The following SKI variants were observed in gnomAD, a reference collection of about 807,000 sequenced individuals.
SKI encodes the protein ski oncogene.
Under a neutral mutation model 59.3 loss-of-function variants are expected in SKI, and 23 were observed. That is an observed-to-expected ratio of 0.39 (90% CI 0.28 to 0.55). SKI has a LOEUF of 0.55. Ranked by LOEUF, SKI falls within the 20% of genes least tolerant of loss-of-function variation. The pLI is 0.67. For synonymous variants in SKI, 673 were observed against 488.6 expected (o/e 1.38, Z -4.98); for missense variants, 1,017 against 1,038.9 (o/e 0.98, Z 0.29).
intron 6 of SKI, 60 bp downstream of exon 6, chr1:2,306,310 C>T (rs1640576325): frequency 7.0e-6 from 10 of 1,422,758 alleles, no homozygotes; most frequent in Middle Eastern, 2.5e-4. Flanking sequence ...CCGTGGGCCC[C>T]GGTGGCCAGT....
intron 1 of SKI, among the ~76,000 whole-genome samples, chr1:2,235,066 A>C (rs555180051): frequency 6.9e-6 from 1 of 145,948 alleles, no homozygotes; most frequent in African/African-American, 2.5e-5. Flanking sequence ...TTTTTGAGAC[A>C]GGGTCTGTTT....
At chr1:2,296,628 C>G (rs1251509049) in intron 1 of SKI, among the ~76,000 whole-genome samples, 1 of 151,868 alleles carries the variant, frequency 6.6e-6, no homozygotes, top group Admixed American at 6.6e-5. Context: ...TGAATCTGGT[C>G]CCTTACCAGC....
chr1:2,270,145 C>T lies in SKI; in HGVS notation c.970-32833C>T, dbSNP rs568826749. Among the ~76,000 whole-genome samples the T allele has an allele frequency of 1.3e-3, 197 of 152,290 alleles. 2 individuals carry two copies. The highest frequency in any genetic ancestry group is 4.6e-3 in the African/African-American group (192 of 41,568). On this transcript the variant is annotated intron_variant, in intron 1 of 6. Transcript: ENST00000378536. This position sits in a 1 kb window ranked among gnomAD's most constrained non-coding sequence, Gnocchi z 4.1. ...CTGGTCATTGTCCCCTACAGCCAGG[C>T]AGTAAAGTGTGGCCAGCACCTTGCT...
At chr1:2,265,968 A>G (rs552547256) in intron 1 of SKI, among the ~76,000 whole-genome samples, 10 of 152,170 alleles carry the variant, frequency 6.6e-5, no homozygotes, top group Non-Finnish European at 1.5e-4. Context: ...ACCCTATCTC[A>G]AGGAAAAAAA....
chr1:2,233,841 A>G (rs964882984), intron 1 of SKI, among the ~76,000 whole-genome samples: 2 of 152,158 alleles, frequency 1.3e-5, no homozygotes, highest in East Asian at 1.9e-4. Context: ...AGGAAGGGAC[A>G]GCATCAAGAG....
At chr1:2,274,244 A>G (rs1639693054) in intron 1 of SKI, among the ~76,000 whole-genome samples, 1 of 152,024 alleles carries the variant, frequency 6.6e-6, no homozygotes, top group Non-Finnish European at 1.5e-5. Context: ...TATTGGTTAA[A>G]TAAAGACACA....
intron 1 of SKI, among the ~76,000 whole-genome samples, chr1:2,273,915 A>G (rs1276437467): frequency 1.3e-5 from 2 of 151,976 alleles, no homozygotes; most frequent in Non-Finnish European, 1.5e-5. Context: ...CCTCTCACTC[A>G]CTGCCCTGGC....
intron 6 of SKI, 38 bp from the exon 7 acceptor site, chr1:2,306,539 A>G (rs1354692680): frequency 6.5e-7 from 1 of 1,530,604 alleles, no homozygotes. Flanking sequence ...GGGGCAGGGC[A>G]GCGAGCAGGC....
chr1:2,302,990 C>A lies in SKI; in HGVS notation c.982C>A (p.Pro328Thr). ...KRRVPRVSSE[P>T]PASIRPKTDD... is the part of the protein sequence containing the mutation. The stretch of plus-strand genomic sequence containing the variant: ...TCATTGATCGCAGGTCTCCTCTGAG[C>A]CTCCGGCCTCCATAAGACCCAAAAC... The change falls in exon 2 of 7, where the codon CCT (proline) becomes ACT (threonine). Residue 328 changes from proline (P) to threonine (T), a missense_variant. Coordinates refer to ENST00000378536, the MANE Select transcript of SKI (RefSeq NM_003036.4). 1 of 1,613,582 alleles carries A rather than the reference C, an allele frequency of 6.2e-7. No individual in the cohort carries two copies. The highest frequency in any genetic ancestry group is 8.5e-7 in the Non-Finnish European group (1 of 1,180,024).
intron 5 of SKI, among the ~76,000 whole-genome samples, chr1:2,304,900 T>C (rs4648825): frequency 0.16 from 24,491 of 152,272 alleles, 2,081 homozygotes; most frequent in Middle Eastern, 0.28. Context: ...TAGCCATGTT[T>C]CTCTGGTATA....
At chr1:2,241,394 T>G (rs1268626317) in intron 1 of SKI, among the ~76,000 whole-genome samples, 1 of 152,068 alleles carries the variant, frequency 6.6e-6, no homozygotes, top group Non-Finnish European at 1.5e-5. Context: ...GGAGGGATTG[T>G]AATTTTTTTT....
At chr1:2,256,297 CT>C (rs1639274696) in intron 1 of SKI, among the ~76,000 whole-genome samples, 1 of 152,166 alleles carries the variant, frequency 6.6e-6, no homozygotes, top group Admixed American at 6.5e-5. Context: ...CATTTCCTGT[CT>C]GTGCTGCTTT....
intron 1 of SKI, among the ~76,000 whole-genome samples, chr1:2,238,192 C>T (rs1299243098): frequency 6.6e-6 from 1 of 152,248 alleles, no homozygotes; most frequent in Non-Finnish European, 1.5e-5. Flanking sequence ...AGAACCCGAG[C>T]CTTCCTTAGG....
Position 2,306,074 on chromosome 1 carries a change from G to T in SKI, c.1822G>T (p.Ala608Ser), listed in dbSNP as rs149105394. 6.2e-7 allele frequency: 1 copy of T among 1,602,294 alleles called. No individual in the cohort carries two copies. Among genetic ancestry groups the T allele is most frequent in the East Asian group, 2.3e-5 (1 of 44,438 alleles). Residue 608 changes from alanine (A) to serine (S), a missense_variant, in exon 6 of 7, where the codon GCC (alanine) becomes TCC (serine). Transcript: ENST00000378536. ...GGAGAAGCTGCGGGAGGCCACGGAG[G>T]CCAAGCGTAACCTGCGGAAGGAGAT... ...KKEKLREATEAKRNLRKEIER... is the reference protein window; with the variant it reads ...KKEKLREATESKRNLRKEIER...
intron 1 of SKI, among the ~76,000 whole-genome samples, chr1:2,231,129 TG>T (rs1263937823): frequency 6.6e-6 from 1 of 152,172 alleles, no homozygotes; most frequent in Non-Finnish European, 1.5e-5. Flanking sequence ...GGGAGTTGGT[TG>T]GGGTGGGCCC....
At chr1:2,265,691 G>T (rs779693181) in intron 1 of SKI, among the ~76,000 whole-genome samples, 3 of 152,198 alleles carry the variant, frequency 2.0e-5, no homozygotes, top group Non-Finnish European at 2.9e-5. Flanking sequence ...AATTGGCTGG[G>T]CATGGTGACT....
intron 1 of SKI, chr1:2,240,694 A>T (rs1638851815): frequency 1.0e-6 from 1 of 985,354 alleles, no homozygotes; most frequent in African/African-American, 1.7e-5. Flanking sequence ...TGTTCGGAGG[A>T]TGGAGGACAG....
At position 2,304,077 on chromosome 1, in the gene SKI, G is replaced by A. The variant is rs375518242; in HGVS notation, c.1449G>A (p.Glu483=). The A allele has an allele frequency of 6.2e-7, 1 of 1,612,486 alleles. No homozygotes were observed. The highest frequency in any genetic ancestry group is 8.5e-7 in the Non-Finnish European group (1 of 1,179,930). The change falls in exon 4 of 7, where the codon GAG becomes GAA. Residue 483 remains glutamate (E), a synonymous_variant. Transcript: ENST00000378536. ...APEEDKDSEA[E]VEVESREEFT... ...AGGAGGACAAGGACTCGGAGGCGGA[G>A]GTGGAAGTTGAAAGCAGGGAGGAAT...
At chr1:2,285,414 C>G (rs1042790420) in intron 1 of SKI, among the ~76,000 whole-genome samples, 3 of 151,514 alleles carry the variant, frequency 2.0e-5, no homozygotes, top group African/African-American at 7.3e-5. Flanking sequence ...ACTAGGGAGG[C>G]TGAGGCAGGA....
Sources: allele counts gnomAD v4.1 joint callset (sites outside exome capture counted in the v4.1 genomes callset), GRCh38; gene constraint gnomAD v4.1.1; non-coding constraint Gnocchi (gnomAD v3.1); transcripts MANE v1.5; gene names NCBI Gene and HGNC (gene_info 2026-07-23, HGNC 2026-07-21).